RIPOR3: variants seen among roughly 807,000 people sequenced by gnomAD.
RIPOR3 encodes the protein family with sequence similarity 65 member C.
Under a neutral mutation model 114.3 loss-of-function variants are expected in RIPOR3, and 95 were observed. The observed-to-expected ratio is 0.83, with a 90% confidence interval of 0.70 to 0.99. The LOEUF (loss-of-function observed/expected upper bound fraction) is 0.99. Ranked by LOEUF, RIPOR3 falls within the 50% of genes least tolerant of loss-of-function variation. RIPOR3 has a pLI of 0.00. For missense variants in RIPOR3, 1,252 were observed against 1,266.9 expected (o/e 0.99, Z 0.18); for synonymous variants, 575 against 543.8 (o/e 1.06, Z -0.80).
rs765713430 is a variant in RIPOR3 at position 50,596,184 on chromosome 20, C to A, written c.1870G>T (p.Val624Leu). ...ELTAGAPELD[V>L]LLMVHLQVCK... ...ACTTGGAGGTGTACCATCAGCAGCA[C>A]GTCCAGCTCTGGGGCACCGGCTGTG... Residue 624 changes from valine (V) to leucine (L), a missense_variant, in exon 15 of 22, where the codon GTG becomes TTG. By Grantham distance (32) the Val-to-Leu change is conservative (BLOSUM62 1). Transcript: ENST00000327979. 1.1e-5 allele frequency: 18 copies of A among 1,614,114 alleles called. No homozygotes were observed. The Admixed American group carries it at 3.0e-4, about 27-fold the overall frequency.
chr20:50,614,429 T>C (rs559877335), intron 4 of RIPOR3, among the ~76,000 whole-genome samples: 86 of 152,318 alleles, frequency 5.6e-4, no homozygotes, highest in African/African-American at 2.0e-3. Context: ...ATTGGTGCTT[T>C]GGAGGAGGGA....
chr20:50,587,942 C>T (rs879371870), intron 20 of RIPOR3, 50 bp from the exon 21 acceptor site: 19 of 1,568,530 alleles, frequency 1.2e-5, no homozygotes, highest in Middle Eastern at 1.7e-4. Context: ...TTCTCAACAG[C>T]AGGTAGAGTC....
rs547402386 is a variant in RIPOR3 at position 50,597,568 on chromosome 20, A to C, written c.1790+12T>G. On this transcript the variant is annotated intron_variant, in intron 14 of 21. Coordinates refer to ENST00000327979, the MANE Select transcript of RIPOR3 (RefSeq NM_001290268.2). ...TGGCCACTGGGTCACTGCTGGAAGG[A>C]GGTGCACTCACCGGAGACCCTGGGA... 2.8e-5 allele frequency: 44 copies of C among 1,598,758 alleles called. No homozygotes were observed. The South Asian group carries it at 4.4e-4, about 16-fold the overall frequency.
At chr20:50,679,637 C>T (rs6096062) in intron 1 of RIPOR3, among the ~76,000 whole-genome samples, 20,008 of 148,062 alleles carry the variant, frequency 0.14, 1,439 homozygotes, top group East Asian at 0.22. Context: ...GGCGTGGTGG[C>T]GCTCACCTGT....
chr20:50,631,628 G>T (rs2084825611), intron 1 of RIPOR3, among the ~76,000 whole-genome samples: 1 of 152,164 alleles, frequency 6.6e-6, no homozygotes, highest in Admixed American at 6.5e-5. Flanking sequence ...TTTCAGCAGG[G>T]GGTGGAAAAG....
At chr20:50,629,438 C>T (rs1226905452) in intron 2 of RIPOR3, among the ~76,000 whole-genome samples, 1 of 152,176 alleles carries the variant, frequency 6.6e-6, no homozygotes. Flanking sequence ...TGGCATGAGG[C>T]CCTGGAGCGA....
At chr20:50,604,514 G>C in intron 12 of RIPOR3, 131 bp downstream of exon 12, 2 of 1,325,314 alleles carry the variant, frequency 1.5e-6, no homozygotes, top group Non-Finnish European at 2.0e-6. Context: ...AAACACCCAG[G>C]ATCGCCTCAA....
rs182142150 is a variant in RIPOR3, at chr20:50,663,359, C to T, written c.3+27767G>A. Among the ~76,000 whole-genome samples the T allele has an allele frequency of 2.9e-3, 437 of 152,256 alleles. 6 individuals are homozygous for T. In the South Asian group the frequency reaches 0.039, roughly 13 times the overall value. On this transcript the variant is annotated intron_variant, in intron 1 of 21. Coordinates refer to ENST00000327979, the MANE Select transcript of RIPOR3 (RefSeq NM_001290268.2). ...GGTGGCTCACATACCCTGTTCTGTT[C>T]GGCTTCACAGTGTCTGCCAGCCCGT...
rs368689779 is a variant in RIPOR3 at position 50,610,914 on chromosome 20, C to T, written c.373-8G>A. ...TTCCACACAGCGCGTTTGCTTCTCC[C>T]GGAAAAAGGGAAGATGTTTGCAAAG... On this transcript the variant is annotated splice_region_variant and splice_polypyrimidine_tract_variant and intron_variant, in intron 5 of 21. Transcript: ENST00000327979. The T allele has an allele frequency of 4.6e-5, 75 of 1,614,044 alleles. No homozygotes were observed. Among genetic ancestry groups the T allele is most frequent in the Admixed American group, 1.2e-4 (7 of 59,998 alleles).
intron 1 of RIPOR3, among the ~76,000 whole-genome samples, chr20:50,654,853 C>A (rs2085750848): frequency 1.3e-5 from 2 of 152,162 alleles, no homozygotes; most frequent in African/African-American, 4.8e-5. Flanking sequence ...TCAGGTGATT[C>A]TCCCACCTCA....
At chr20:50,613,206 G>A (rs757787421) in intron 4 of RIPOR3, among the ~76,000 whole-genome samples, 1 of 152,166 alleles carries the variant, frequency 6.6e-6, no homozygotes, top group Non-Finnish European at 1.5e-5. Flanking sequence ...CTAGCCTTTT[G>A]GGAGGCCGAG....
intron 2 of RIPOR3, among the ~76,000 whole-genome samples, chr20:50,627,875 C>A (rs527826955): frequency 6.6e-6 from 1 of 152,316 alleles, no homozygotes; most frequent in African/African-American, 2.4e-5. Context: ...TGAAGCCGCC[C>A]TTGGGTACAG....
intron 19 of RIPOR3, among the ~76,000 whole-genome samples, chr20:50,591,823 G>C (rs376145804): frequency 1.3e-5 from 2 of 152,230 alleles, no homozygotes; most frequent in African/African-American, 4.8e-5. Flanking sequence ...AAGGCTGGGC[G>C]CAGTGGCTCA....
At chr20:50,628,286 T>G (rs1383386794) in intron 2 of RIPOR3, among the ~76,000 whole-genome samples, 2 of 152,066 alleles carry the variant, frequency 1.3e-5, no homozygotes, top group Non-Finnish European at 2.9e-5. Flanking sequence ...ATTCTTCTCG[T>G]CTTGGGGCAT....
intron 1 of RIPOR3, chr20:50,662,158 C>T (rs1320264348): frequency 6.6e-6 from 1 of 152,400 alleles, no homozygotes; most frequent in Non-Finnish European, 1.5e-5. Flanking sequence ...GGGTGTGACC[C>T]AGACTACCTG....
chr20:50,629,463 T>A (rs1285682198), intron 2 of RIPOR3, among the ~76,000 whole-genome samples: 2 of 152,126 alleles, frequency 1.3e-5, no homozygotes, highest in Non-Finnish European at 2.9e-5. Flanking sequence ...GCAGCAGGCC[T>A]GAGCTCATCG....
intron 1 of RIPOR3, among the ~76,000 whole-genome samples, chr20:50,648,866 T>A (rs1234513993): frequency 6.6e-6 from 1 of 152,170 alleles, no homozygotes; most frequent in African/African-American, 2.4e-5. Flanking sequence ...TAAATACAGA[T>A]GAAGCTTCGC....
At chr20:50,648,718 T>C (rs775179276) in intron 1 of RIPOR3, among the ~76,000 whole-genome samples, 27 of 151,942 alleles carry the variant, frequency 1.8e-4, no homozygotes, top group Non-Finnish European at 3.1e-4. Flanking sequence ...TGACAGATCA[T>C]CAGGCATTAG....
chr20:50,635,460 C>T (rs1032194736), intron 1 of RIPOR3, among the ~76,000 whole-genome samples: 6 of 152,274 alleles, frequency 3.9e-5, no homozygotes, highest in Admixed American at 3.9e-4. Flanking sequence ...TCGAGACCAG[C>T]CTGGGTCTCA....
Sources: allele counts gnomAD v4.1 joint callset (sites outside exome capture counted in the v4.1 genomes callset), GRCh38; gene constraint gnomAD v4.1.1; transcripts MANE v1.5; gene names NCBI Gene and HGNC (gene_info 2026-07-23, HGNC 2026-07-21).